Variants in PDE8B observed in about 807,000 individuals in gnomAD.
PDE8B encodes the protein high affinity cAMP-specific and IBMX-insensitive 3',5'-cyclic phosphodiesterase 8B.
PDE8B carries 26 observed loss-of-function variants against 101.3 expected under a neutral mutation model. The observed-to-expected ratio is 0.26, with a 90% CI of 0.19 to 0.36. The LOEUF (loss-of-function observed/expected upper bound fraction) is 0.36. PDE8B is among the 10% of genes least tolerant of loss of function. PDE8B has a pLI of 1.00. For missense variants in PDE8B, 810 were observed against 1,163.1 expected (o/e 0.70, Z 4.42); for synonymous variants, 424 against 429.3 (o/e 0.99, Z 0.15).
intron 1 of PDE8B, chr5:77,290,181 T>C (rs765196902): frequency 1.3e-6 from 2 of 1,486,290 alleles, no homozygotes; most frequent in Non-Finnish European, 1.8e-6. Context: ...TTAAAAACCA[T>C]TGATGTGGCG....
At chr5:77,233,699 T>TGTGTGTGTGTGC (rs979930633) in intron 1 of PDE8B, among the ~76,000 whole-genome samples, 111 of 146,998 alleles carry the variant, frequency 7.6e-4, no homozygotes, top group Admixed American at 2.0e-3. Context: ...TGTGTGTGTG[T>TGTGTGTGTGTGC]GCAGTAGACT....
At chr5:77,381,204 C>T (rs969125917) in intron 10 of PDE8B, among the ~76,000 whole-genome samples, 19 of 152,154 alleles carry the variant, frequency 1.2e-4, no homozygotes, top group African/African-American at 4.6e-4. Context: ...GGATTAAATA[C>T]ATAGTTTGCA....
At chr5:77,256,227 C>G (rs1759143326) in intron 1 of PDE8B, among the ~76,000 whole-genome samples, 1 of 152,218 alleles carries the variant, frequency 6.6e-6, no homozygotes, top group Non-Finnish European at 1.5e-5. Context: ...CACTCCCTCT[C>G]AAAGTGACCA....
chr5:77,304,424 C>T (rs531408055), intron 1 of PDE8B, among the ~76,000 whole-genome samples: 6 of 152,140 alleles, frequency 3.9e-5, no homozygotes, highest in African/African-American at 1.4e-4. Context: ...GTTCTGGTTA[C>T]TAGTATTTTT....
At chr5:77,193,527 T>G in the PDE8B span, among the ~76,000 whole-genome samples, 1 of 152,206 alleles carries the variant, frequency 6.6e-6, no homozygotes, top group Non-Finnish European at 1.5e-5. Context: ...ATTCCATTGA[T>G]CTATTTGTTT....
At chr5:77,332,983 A>AATATATAT (rs36015907) in intron 5 of PDE8B, among the ~76,000 whole-genome samples, 2 of 150,890 alleles carry the variant, frequency 1.3e-5, no homozygotes, top group African/African-American at 2.4e-5. Flanking sequence ...CTGGCTTAAA[A>AATATATAT]ATATATATAT....
In PDE8B at chr5:77,418,354, T is replaced by C. The variant is rs1795984805; in HGVS notation, c.2037T>C (p.Asn679=). ...NAGSELAVLY[N]DTAVLESHHT... is the part of the protein sequence containing the mutation. ...GCAGTGAGCTTGCTGTGCTCTACAA[T>C]GACACTGCTGTTCTGGAGAGTCACC... is the stretch of plus-strand genomic sequence containing the variant. The change falls in exon 18 of 22, where the codon AAT becomes AAC. Residue 679 remains asparagine (N), a synonymous_variant. Coordinates refer to ENST00000264917, the MANE Select transcript of PDE8B (RefSeq NM_003719.5). 6.2e-7 allele frequency: 1 copy of C among 1,614,088 alleles called. No individual in the cohort carries two copies. The highest frequency in any genetic ancestry group is 8.5e-7 in the Non-Finnish European group (1 of 1,179,910).
chr5:77,204,052 T>G, the PDE8B span, among the ~76,000 whole-genome samples: 2 of 106,040 alleles, frequency 1.9e-5, no homozygotes, highest in Admixed American at 1.7e-4. Context: ...TACCCTTAGT[T>G]TTTTTTTTTT....
intron 1 of PDE8B, among the ~76,000 whole-genome samples, chr5:77,237,002 G>A (rs1187157367): frequency 3.3e-5 from 5 of 152,214 alleles, no homozygotes; most frequent in African/African-American, 1.2e-4. Flanking sequence ...TGTATGCTTG[G>A]TGAATTGACT....
rs188062097 is a variant in PDE8B at position 77,313,420 on chromosome 5, T to G, written c.399+1367T>G. Reference sequence around the variant, plus strand: ...ATAGAATACAAACAAATGGAAAATTTCAGTAATCATTCTGAGCCATGCCCT... The same window carrying G: ...ATAGAATACAAACAAATGGAAAATTGCAGTAATCATTCTGAGCCATGCCCT... On this transcript the variant is annotated intron_variant, in intron 2 of 21. Transcript: ENST00000264917. 2.1e-3 allele frequency among the ~76,000 whole-genome samples: 319 copies of G among 152,220 alleles called. 1 individual carries two copies. The highest frequency in any genetic ancestry group is 7.9e-3 in the Admixed American group (121 of 15,300).
chr5:77,293,431 G>A (rs956654563), intron 1 of PDE8B, among the ~76,000 whole-genome samples: 4 of 152,192 alleles, frequency 2.6e-5, no homozygotes, highest in Non-Finnish European at 4.4e-5. Flanking sequence ...ATTTGAGAGA[G>A]ACTTAGCATT....
At chr5:77,417,354 C>T (rs768478845) in intron 17 of PDE8B, among the ~76,000 whole-genome samples, 3 of 152,162 alleles carry the variant, frequency 2.0e-5, no homozygotes, top group Admixed American at 6.5e-5. Context: ...AAGTTACTTC[C>T]GTTTGTGTTT....
At chr5:77,255,792 T>A (rs1759021546) in intron 1 of PDE8B, among the ~76,000 whole-genome samples, 1 of 152,210 alleles carries the variant, frequency 6.6e-6, no homozygotes, top group Non-Finnish European at 1.5e-5. Context: ...AGCCAGCAAC[T>A]CAGTGGGGCC....
chr5:77,290,124 T>G, intron 1 of PDE8B: 1 of 1,065,122 alleles, frequency 9.4e-7, no homozygotes, highest in Admixed American at 2.0e-5. Flanking sequence ...TAAGTATTAT[T>G]ACCCCTAGTT....
intron 1 of PDE8B, among the ~76,000 whole-genome samples, chr5:77,261,559 G>A (rs577301948): frequency 6.6e-6 from 1 of 152,176 alleles, no homozygotes; most frequent in Non-Finnish European, 1.5e-5. Context: ...CTAGCAACCA[G>A]ACTGTCAGTC....
At chr5:77,150,234 C>A in the PDE8B span, among the ~76,000 whole-genome samples, 15 of 152,166 alleles carry the variant, frequency 9.9e-5, no homozygotes, top group Non-Finnish European at 1.5e-5. Context: ...CAAGGTAATA[C>A]TCCTTAGTTG....
At chr5:77,195,437 C>T in the PDE8B span, among the ~76,000 whole-genome samples, 2 of 152,172 alleles carry the variant, frequency 1.3e-5, no homozygotes, top group African/African-American at 4.8e-5. Flanking sequence ...TGCAGTTTCC[C>T]CATATCATTG....
At chr5:77,423,130 A>G (rs28681499) in intron 20 of PDE8B, among the ~76,000 whole-genome samples, 8,637 of 152,220 alleles carry the variant, frequency 0.057, 346 homozygotes, top group African/African-American at 0.12. Flanking sequence ...TGTTTCTATT[A>G]TTACTTCACT....
chr5:77,245,327 G>A (rs1014460996), intron 1 of PDE8B, among the ~76,000 whole-genome samples: 2 of 152,146 alleles, frequency 1.3e-5, no homozygotes, highest in South Asian at 2.1e-4. Context: ...TTTTTAGGGG[G>A]AGCATTAAAA....
Sources: allele counts gnomAD v4.1 joint callset (sites outside exome capture counted in the v4.1 genomes callset), GRCh38; gene constraint gnomAD v4.1.1; transcripts MANE v1.5; gene names NCBI Gene and HGNC (gene_info 2026-07-23, HGNC 2026-07-21).